USP32: variants seen among roughly 807,000 people sequenced by gnomAD.
The protein encoded by USP32 is ubiquitin carboxyl-terminal hydrolase 32.
A neutral mutation model predicts 204.8 loss-of-function variants in USP32; 59 were observed. That is an observed-to-expected ratio of 0.29 (90% CI 0.23 to 0.36). The LOEUF is 0.36. Ranked by LOEUF, USP32 falls within the 10% of genes least tolerant of loss-of-function variation. The pLI is 1.00. For missense variants in USP32, 1,160 were observed against 1,946.4 expected, an observed-to-expected ratio of 0.60 and a Z score of 7.60; for synonymous variants, 517 against 678.4, an observed-to-expected ratio of 0.76 and a Z score of 3.70.
At chr17:60,392,291 C>G, upstream of USP32, 5 of 365,532 alleles carry the variant, frequency 1.4e-5, no homozygotes, top group South Asian at 1.2e-4. Flanking sequence ...ACACTGTTCC[C>G]GGTAACGGCC....
intron 1 of USP32, among the ~76,000 whole-genome samples, chr17:60,386,984 AT>A (rs1045698799): frequency 4.6e-5 from 7 of 152,230 alleles, no homozygotes; most frequent in Admixed American, 4.6e-4. Flanking sequence ...AAGATCTGGT[AT>A]ACTTTTAAAA....
chr17:60,378,256 C>A (rs528298708), intron 1 of USP32, among the ~76,000 whole-genome samples: 1 of 150,890 alleles, frequency 6.6e-6, no homozygotes, highest in South Asian at 2.1e-4. Context: ...ATGTCACACC[C>A]ATTAGGATGG....
At position 60,209,441 on chromosome 17, in the gene USP32, G is replaced by A. The variant is rs769688411; in HGVS notation, c.2527C>T (p.Arg843Ter). The A allele has an allele frequency of 6.3e-7, 1 of 1,589,166 alleles. No homozygotes were observed. ...LLDGLHEDLN[R>*]VHEKPYVELK... ...TCCACATATGGCTTTTCATGGACTC[G>A]ATTAAGATCTTCATGAAGACCATCC... The change falls in exon 22 of 34, where the codon CGA becomes TGA. Residue 843 changes from arginine (R) to a stop codon, truncating the protein, a stop_gained. Coordinates refer to ENST00000300896, the MANE Select transcript of USP32 (RefSeq NM_032582.4). LOFTEE classifies it high-confidence loss of function.
At chr17:60,342,717 A>G (rs1047409830) in intron 2 of USP32, among the ~76,000 whole-genome samples, 4 of 152,210 alleles carry the variant, frequency 2.6e-5, no homozygotes, top group Non-Finnish European at 5.9e-5. Flanking sequence ...CTCCGTGGGC[A>G]TGGGACCCGC....
chr17:60,280,944 T>A (rs1458736377), intron 5 of USP32, among the ~76,000 whole-genome samples: 1 of 152,250 alleles, frequency 6.6e-6, no homozygotes, highest in Admixed American at 6.5e-5. Context: ...ATGCTTTTCA[T>A]AGTAAGACTC....
chr17:60,241,218 C>T (rs988038812), intron 11 of USP32, among the ~76,000 whole-genome samples: 11 of 152,072 alleles, frequency 7.2e-5, no homozygotes, highest in East Asian at 3.9e-4. Flanking sequence ...AGGCTGGTCT[C>T]GAACTCCTAA....
chr17:60,230,896 A>G (rs2085529736), intron 12 of USP32, among the ~76,000 whole-genome samples: 1 of 152,164 alleles, frequency 6.6e-6, no homozygotes, highest in Non-Finnish European at 1.5e-5. Flanking sequence ...TTGACTGTTC[A>G]TTTCTGGCTG....
At chr17:60,276,618 A>C (rs1405655305) in intron 5 of USP32, among the ~76,000 whole-genome samples, 3 of 152,214 alleles carry the variant, frequency 2.0e-5, no homozygotes, top group African/African-American at 7.2e-5. Context: ...ATAGGTGTTC[A>C]ATAAGTACTT....
At chr17:60,305,768 C>G (rs950036526) in intron 2 of USP32, among the ~76,000 whole-genome samples, 1 of 152,130 alleles carries the variant, frequency 6.6e-6, no homozygotes, top group Non-Finnish European at 1.5e-5. Context: ...AAGAGTAAAG[C>G]AGTGAGGGTA....
At chr17:60,347,188 T>C (rs1025554326) in intron 1 of USP32, among the ~76,000 whole-genome samples, 3 of 151,900 alleles carry the variant, frequency 2.0e-5, no homozygotes, top group East Asian at 3.9e-4. Flanking sequence ...GGGAAGCTTT[T>C]TTTTTTCTTT....
chr17:60,371,183 G>A (rs1212328505), intron 1 of USP32, among the ~76,000 whole-genome samples: 4 of 147,772 alleles, frequency 2.7e-5, no homozygotes, highest in Non-Finnish European at 4.4e-5. Context: ...GAGCCCAAGA[G>A]TTCCAAGGCT....
intron 2 of USP32, among the ~76,000 whole-genome samples, chr17:60,306,517 A>G (rs2145906056): frequency 6.6e-6 from 1 of 152,200 alleles, no homozygotes; most frequent in East Asian, 1.9e-4. Context: ...GGGCGCCTAT[A>G]ATCCCAGCTA....
intron 1 of USP32, among the ~76,000 whole-genome samples, chr17:60,406,689 T>C (rs1383077441): frequency 6.6e-6 from 1 of 152,098 alleles, no homozygotes; most frequent in African/African-American, 2.4e-5. Context: ...CTAATTTTTG[T>C]ATTTTTAGTA....
In USP32 at chr17:60,198,180, C is replaced by T. The variant is rs531602378; in HGVS notation, c.3434+80G>A. On this transcript the variant is annotated intron_variant, in intron 27 of 33. Coordinates refer to ENST00000300896, the MANE Select transcript of USP32 (RefSeq NM_032582.4). ...TGATTAACTTGACATAGGCTGGGTC[C>T]TATCAGTCATGTAGAATTCATATAG... 209 of 1,532,776 alleles carry T rather than the reference C, an allele frequency of 1.4e-4. 1 individual carries two copies. The South Asian group carries it at 2.4e-3, about 18-fold the overall frequency. The allele number at this position is 1,532,776 out of a possible 1,614,324, so 94.9% of individuals were successfully genotyped here. A position where few individuals can be genotyped will look rare whatever the true frequency, so the allele number is the denominator to read the frequency against.
intron 12 of USP32, among the ~76,000 whole-genome samples, chr17:60,227,717 TAA>T (rs2085433411): frequency 6.6e-6 from 1 of 152,028 alleles, no homozygotes. Context: ...CCAGTGGACA[TAA>T]GTTTTCTACT....
At chr17:60,377,587 T>C (rs1346118796) in intron 1 of USP32, among the ~76,000 whole-genome samples, 3 of 152,226 alleles carry the variant, frequency 2.0e-5, no homozygotes, top group South Asian at 2.1e-4. Context: ...CTTACAATAA[T>C]AAAGGCCAAC....
At position 60,229,030 on chromosome 17, in the gene USP32, C is replaced by CT. The variant is rs373140559; in HGVS notation, c.1240-2800dup. 2.1e-3 allele frequency among the ~76,000 whole-genome samples: 307 copies of CT among 148,688 alleles called. 2 individuals are homozygous for CT. The highest frequency in any genetic ancestry group is 5.9e-3 in the African/African-American group (238 of 40,624). On this transcript the variant is annotated intron_variant, in intron 12 of 33. Transcript: ENST00000300896. ...TGCCTTATTATTTAAATCAATTCAA[C>CT]TTTTTTTTTTCACTTATGCTTTTTG...
chr17:60,335,157 A>G (rs1422614296), intron 2 of USP32, among the ~76,000 whole-genome samples: 2 of 141,520 alleles, frequency 1.4e-5, no homozygotes, highest in Admixed American at 1.4e-4. Context: ...TATTTTTTGT[A>G]GAGAGGAGGT....
Position 60,345,563 on chromosome 17 carries a change from G to A in USP32, c.104C>T (p.Thr35Ile). ...GCCCATGTAATATGAGAGTCCACAG[G>A]TCCTCTTGAAAGCATCCTTCAGTCG... ...LKRLKDAFKR[T>I]CGLSYYMGQH... The change falls in exon 2 of 34, where the codon ACC becomes ATC. Residue 35 changes from threonine to isoleucine, a missense_variant. Around this residue, in one of 8 missense-constraint regions of USP32, gnomAD observed 536 missense variants for 680.9 expected, o/e 0.79. Transcript: ENST00000300896. The A allele has an allele frequency of 6.2e-7, 1 of 1,614,162 alleles. No individual in the cohort carries two copies. Among genetic ancestry groups the A allele is most frequent in the Non-Finnish European group, 8.5e-7 (1 of 1,180,026 alleles).
Sources: gnomAD v4.1 joint callset for allele counts (sites outside exome capture counted in the v4.1 genomes callset) on GRCh38, gnomAD v4.1.1 for gene constraint, gnomAD v4.1.1 regional missense constraint, MANE v1.5 for transcripts, NCBI Gene and HGNC (gene_info 2026-07-23, HGNC 2026-07-21) for gene names.